Variants in SH3D19 observed in about 807,000 individuals in gnomAD.
SH3D19 encodes the protein SH3 domain containing 19, also known as SH3 domain-containing protein 19.
In SH3D19, 58 loss-of-function variants were observed where a neutral mutation model predicts 112.1. The observed-to-expected ratio is 0.52, with a 90% CI of 0.42 to 0.64. The LOEUF is 0.64. Ranked by LOEUF, SH3D19 falls within the 30% of genes least tolerant of loss-of-function variation. The pLI is 0.00. For synonymous variants in SH3D19, 391 were observed against 448.5 expected (o/e 0.87, Z 1.62); for missense variants, 1,090 against 1,263.4 (o/e 0.86, Z 2.08).
chr4:151,145,462 T>C (rs1223157545), intron 11 of SH3D19, among the ~76,000 whole-genome samples: 1 of 152,164 alleles, frequency 6.6e-6, no homozygotes, highest in Non-Finnish European at 1.5e-5. Context: ...ACCCTGCACC[T>C]TGTGACCCCC....
intron 2 of SH3D19, among the ~76,000 whole-genome samples, chr4:151,224,829 G>C (rs1222535614): frequency 1.3e-5 from 2 of 152,106 alleles, no homozygotes; most frequent in African/African-American, 2.4e-5. Context: ...TTACAGGTGT[G>C]AACCACCATG....
chr4:151,264,405 G>A (rs1213899750), intron 1 of SH3D19, among the ~76,000 whole-genome samples: 10 of 118,510 alleles, frequency 8.4e-5, no homozygotes, highest in African/African-American at 3.2e-4. Context: ...TCCAGCCTGG[G>A]CAACAGAGTG....
At chr4:151,180,628 G>C (rs902035274) in intron 3 of SH3D19, among the ~76,000 whole-genome samples, 22 of 151,428 alleles carry the variant, frequency 1.5e-4, no homozygotes, top group Admixed American at 1.2e-3. Context: ...GGATGGTCTC[G>C]ATCTCCCGAC....
intron 7 of SH3D19, 92 bp from the exon 8 acceptor site, chr4:151,165,788 G>T: frequency 9.3e-7 from 1 of 1,075,524 alleles, no homozygotes; most frequent in Non-Finnish European, 1.4e-6. Context: ...TATTTTTCAT[G>T]CCCCTGGGGA....
At chr4:151,131,680 G>A (rs982087692) in intron 17 of SH3D19, among the ~76,000 whole-genome samples, 1 of 151,950 alleles carries the variant, frequency 6.6e-6, no homozygotes, top group African/African-American at 2.4e-5. Context: ...AGTAGAGACG[G>A]GGTTTCACCG....
rs753995537 is a variant in SH3D19, at chr4:151,174,790, C to A, written c.1414G>T (p.Val472Phe). Residue 472 changes from valine (V) to phenylalanine (F), a missense_variant, in exon 7 of 20, where the codon GTT becomes TTT. By Grantham distance (50) the Val-to-Phe change is conservative (BLOSUM62 -1). Coordinates refer to ENST00000604030, the MANE Select transcript of SH3D19 (RefSeq NM_001378122.1). Reference sequence around the variant, plus strand: ...AAGGGCTTGCTCTGCAGAACTGGAACTGGGGGGTTGGCTGGGGGCCCTTCT... The same window carrying A: ...AAGGGCTTGCTCTGCAGAACTGGAAATGGGGGGTTGGCTGGGGGCCCTTCT... ...LGEGPPANPP[V>F]PVLQSKPLVD... 9.0e-6 allele frequency: 14 copies of A among 1,556,564 alleles called. No homozygotes were observed. The African/African-American group carries it at 1.8e-4, about 20-fold the overall frequency.
chr4:151,279,942 G>A, intron 1 of SH3D19: 1 of 1,605,166 alleles, frequency 6.2e-7, no homozygotes, highest in Non-Finnish European at 8.5e-7. Flanking sequence ...ACTGACAGCA[G>A]CACACTGCAT....
At chr4:151,196,361 C>T (rs991681952) in intron 2 of SH3D19, among the ~76,000 whole-genome samples, 7 of 152,190 alleles carry the variant, frequency 4.6e-5, no homozygotes, top group Middle Eastern at 3.4e-3. Flanking sequence ...CCTGGGAATT[C>T]GAGGCTGCAG....
chr4:151,210,920 C>G (rs1371669180), intron 2 of SH3D19, among the ~76,000 whole-genome samples: 1 of 151,982 alleles, frequency 6.6e-6, no homozygotes, highest in Non-Finnish European at 1.5e-5. Context: ...CTCTGTCACC[C>G]AGGCTGGAGT....
intron 9 of SH3D19, among the ~76,000 whole-genome samples, chr4:151,157,083 T>C (rs1281032459): frequency 1.3e-5 from 2 of 151,980 alleles, no homozygotes; most frequent in Non-Finnish European, 2.9e-5. Context: ...AAAACCTGTC[T>C]CTACAAAAAA....
rs562884183 is a variant in SH3D19, at chr4:151,197,924, A to T, written c.153-10461T>A. 3.9e-5 allele frequency among the ~76,000 whole-genome samples: 6 copies of T among 152,300 alleles called. No individual in the cohort carries two copies. The East Asian group carries it at 1.2e-3, about 29-fold the overall frequency. On this transcript the variant is annotated intron_variant, in intron 2 of 19. Coordinates refer to ENST00000604030, the MANE Select transcript of SH3D19 (RefSeq NM_001378122.1). ...GAGGCAGATACTTTTTTTAAAAAGC[A>T]AAATTTGAATGTTATTAATAAAATA...
chr4:151,159,410 G>A lies in SH3D19; in HGVS notation c.1643-58C>T, dbSNP rs879226431. On this transcript the variant is annotated intron_variant, in intron 8 of 19. Transcript: ENST00000604030. ...TCTAGTTTCTGGGATTCCAAAGAATGAAATGATTGCTGCTTAGTTTATTAG... is the reference window on the plus strand; with the variant it reads ...TCTAGTTTCTGGGATTCCAAAGAATAAAATGATTGCTGCTTAGTTTATTAG... The A allele has an allele frequency of 2.7e-5, 27 of 1,003,554 alleles. 1 individual carries two copies. In the South Asian group the frequency reaches 4.1e-4, roughly 15 times the overall value. The allele number at this position is 1,003,554 out of a possible 1,614,324, so 62.2% of individuals were successfully genotyped here.
chr4:151,230,854 TAGGTGTG>T (rs2149956257), intron 1 of SH3D19, among the ~76,000 whole-genome samples: 1 of 152,106 alleles, frequency 6.6e-6, no homozygotes, highest in South Asian at 2.1e-4. Context: ...GCTGGGATTA[TAGGTGTG>T]AGCCACCATC....
Position 151,325,331 on chromosome 4 carries a change from C to A in SH3D19, c.22G>T (p.Glu8Ter). 1 of 1,215,970 alleles carries A rather than the reference C, an allele frequency of 8.2e-7. No individual in the cohort carries two copies. Among genetic ancestry groups the A allele is most frequent in the Non-Finnish European group, 1.0e-6 (1 of 977,710 alleles). The allele number at this position is 1,215,970 out of a possible 1,614,324, so 75.3% of individuals were successfully genotyped here. Residue 8 changes from glutamate (E) to a stop codon, truncating the protein, a stop_gained, in exon 1 of 20, where the codon GAG (glutamate) becomes TAG (stop). Transcript: ENST00000604030. LOFTEE classifies it high-confidence loss of function. ...TCGCGTAGCTCTTCCTCCTCGTCCT[C>A]CCGCCGCCGGCCCTCAGCCATGGGC... MAEGRRR[E>*]DEEEELRERR... is the part of the protein sequence containing the mutation.
intron 1 of SH3D19, among the ~76,000 whole-genome samples, chr4:151,265,891 T>C (rs1772752531): frequency 6.6e-6 from 1 of 152,118 alleles, no homozygotes; most frequent in African/African-American, 2.4e-5. Flanking sequence ...GGCCCCCTTA[T>C]ACTTATTACA....
chr4:151,261,826 G>A (rs1217403869), intron 1 of SH3D19, among the ~76,000 whole-genome samples: 2 of 152,212 alleles, frequency 1.3e-5, no homozygotes, highest in Non-Finnish European at 2.9e-5. Flanking sequence ...AGTCTGAGAA[G>A]TAATATAGTT....
At chr4:151,207,631 CCA>C (rs1045723485) in intron 2 of SH3D19, among the ~76,000 whole-genome samples, 3 of 152,160 alleles carry the variant, frequency 2.0e-5, no homozygotes, top group Non-Finnish European at 4.4e-5. Context: ...CCTATCAACT[CCA>C]GACTTTACCA....
At chr4:151,322,430 CT>C (rs1329291411) in intron 1 of SH3D19, among the ~76,000 whole-genome samples, 16 of 86,664 alleles carry the variant, frequency 1.8e-4, no homozygotes, top group Non-Finnish European at 3.4e-4. Context: ...AAGACTCTGC[CT>C]AAAAAAAAAA....
chr4:151,127,271 C>T (rs1174064872), intron 19 of SH3D19, among the ~76,000 whole-genome samples: 3 of 152,184 alleles, frequency 2.0e-5, no homozygotes, highest in African/African-American at 7.2e-5. Context: ...CAATGGCAGG[C>T]TTGCAGGGCC....
Sources: gnomAD v4.1 joint callset for allele counts (sites outside exome capture counted in the v4.1 genomes callset) on GRCh38, gnomAD v4.1.1 for gene constraint, MANE v1.5 for transcripts, NCBI Gene and HGNC (gene_info 2026-07-23, HGNC 2026-07-21) for gene names.